Variants in STK32B observed in about 807,000 individuals in gnomAD.
STK32B encodes serine/threonine kinase 32B.
STK32B carries 43 observed loss-of-function variants against 52.6 expected under a neutral mutation model. That is an observed-to-expected ratio of 0.82 (90% CI 0.64 to 1.05). STK32B has a LOEUF of 1.05. Among genes scored for constraint, STK32B ranks in the 50% least tolerant of loss-of-function variants. STK32B has a pLI of 0.00. For missense variants in STK32B, 621 were observed against 534.6 expected (o/e 1.16, Z -1.59); for synonymous variants, 238 against 204.3 (o/e 1.17, Z -1.41).
chr4:5,456,834 C>A lies in STK32B; in HGVS notation c.694C>A (p.Pro232Thr). Residue 232 changes from proline (P) to threonine (T), a missense_variant, in exon 8 of 12, where the codon CCC (proline) becomes ACC (threonine). Transcript: ENST00000282908. Reference protein sequence around the residue: ...WRPYEIHSVTPIDEILNMFKV... With the variant: ...WRPYEIHSVTTIDEILNMFKV... Reference sequence around the variant, plus strand: ...GCCGTACGAAATCCACTCGGTCACGCCCATCGATGAAATCCTCAACATGTT... The same window carrying A: ...GCCGTACGAAATCCACTCGGTCACGACCATCGATGAAATCCTCAACATGTT... 1 of 1,596,138 alleles carries A rather than the reference C, an allele frequency of 6.3e-7. No homozygotes were observed. The highest frequency in any genetic ancestry group is 1.1e-5 in the South Asian group (1 of 87,408).
chr4:5,401,798 C>T (rs910104240), intron 5 of STK32B, among the ~76,000 whole-genome samples: 1 of 152,172 alleles, frequency 6.6e-6, no homozygotes, highest in Non-Finnish European at 1.5e-5. Flanking sequence ...GGTAATGAAC[C>T]ACATAACTTA....
chr4:5,174,638 C>T (rs1719678608), intron 3 of STK32B, among the ~76,000 whole-genome samples: 1 of 152,198 alleles, frequency 6.6e-6, no homozygotes, highest in African/African-American at 2.4e-5. Flanking sequence ...CCTCCACTCT[C>T]TTCTGGCTTG....
chr4:5,331,748 ACT>A (rs1732264979), intron 4 of STK32B, among the ~76,000 whole-genome samples: 1 of 151,626 alleles, frequency 6.6e-6, no homozygotes, highest in Non-Finnish European at 1.5e-5. Flanking sequence ...GAGGGATTCT[ACT>A]CTCTTTTTTT....
intron 1 of STK32B, among the ~76,000 whole-genome samples, chr4:5,085,564 A>G (rs1712688948): frequency 6.6e-6 from 1 of 152,238 alleles, no homozygotes; most frequent in African/African-American, 2.4e-5. Context: ...ATGCAGGTGC[A>G]TTCTCTACTA....
intron 11 of STK32B, among the ~76,000 whole-genome samples, chr4:5,475,446 G>A (rs530735597): frequency 2.4e-5 from 3 of 122,970 alleles, no homozygotes; most frequent in South Asian, 5.2e-4. Context: ...AAAAAAAAGC[G>A]TGACTGGCTT....
chr4:5,192,679 C>G lies in STK32B; in HGVS notation c.260+24229C>G, dbSNP rs893527119. On this transcript the variant is annotated intron_variant, in intron 3 of 11. Transcript: ENST00000282908. Reference sequence around the variant, plus strand: ...CACACTATGAAATGATTACCACACTCAAGCTGATTAACCCATCCACCACCT... The same window carrying G: ...CACACTATGAAATGATTACCACACTGAAGCTGATTAACCCATCCACCACCT... Among the ~76,000 whole-genome samples the G allele has an allele frequency of 3.9e-5, 6 of 152,190 alleles. No individual in the cohort carries two copies. The East Asian group carries it at 9.6e-4, about 24-fold the overall frequency.
intron 7 of STK32B, among the ~76,000 whole-genome samples, chr4:5,456,318 C>T (rs1011437097): frequency 6.6e-6 from 1 of 152,254 alleles, no homozygotes; most frequent in East Asian, 1.9e-4. Context: ...GTCCTCCCAT[C>T]CCTCAGCCCA....
At chr4:5,333,181 T>G (rs575272064) in intron 4 of STK32B, among the ~76,000 whole-genome samples, 1 of 152,072 alleles carries the variant, frequency 6.6e-6, no homozygotes, top group African/African-American at 2.4e-5. Flanking sequence ...TTTTAATGAT[T>G]GCCATTCTAA....
chr4:5,049,033 A>G (rs1392841703), upstream of STK32B, among the ~76,000 whole-genome samples: 1 of 152,180 alleles, frequency 6.6e-6, no homozygotes, highest in Non-Finnish European at 1.5e-5. Context: ...GCACTGCAAG[A>G]CTAATTCCAG....
intron 3 of STK32B, among the ~76,000 whole-genome samples, chr4:5,239,585 G>A (rs908465942): frequency 2.0e-5 from 3 of 152,040 alleles, no homozygotes; most frequent in African/African-American, 7.2e-5. Context: ...CCCAGATACT[G>A]GCACTGAGTG....
intron 3 of STK32B, among the ~76,000 whole-genome samples, chr4:5,201,680 T>C (rs1306571456): frequency 1.3e-5 from 2 of 152,164 alleles, no homozygotes; most frequent in African/African-American, 4.8e-5. Flanking sequence ...ATCAGGAAAC[T>C]TACAATCGTG....
chr4:5,165,654 G>T (rs1202825223), intron 2 of STK32B, among the ~76,000 whole-genome samples: 1 of 152,158 alleles, frequency 6.6e-6, no homozygotes, highest in African/African-American at 2.4e-5. Context: ...TCTGGCTTCA[G>T]ACATGGGTCT....
intron 3 of STK32B, among the ~76,000 whole-genome samples, chr4:5,282,956 A>C (rs1316129647): frequency 5.9e-5 from 9 of 152,154 alleles, no homozygotes; most frequent in Admixed American, 2.6e-4. Context: ...ATAAGAGGGA[A>C]ACTACAGTAT....
intron 3 of STK32B, among the ~76,000 whole-genome samples, chr4:5,176,159 A>G (rs897793293): frequency 2.6e-5 from 4 of 152,172 alleles, no homozygotes; most frequent in African/African-American, 9.7e-5. Context: ...AAAGCGTAGT[A>G]TTAGGGTGGG....
At chr4:5,223,950 T>C (rs1723701886) in intron 3 of STK32B, among the ~76,000 whole-genome samples, 1 of 152,214 alleles carries the variant, frequency 6.6e-6, no homozygotes, top group Non-Finnish European at 1.5e-5. Context: ...AATGGGAATG[T>C]CTAGCCTATA....
chr4:5,425,591 T>G (rs892696625), intron 6 of STK32B, among the ~76,000 whole-genome samples: 6 of 146,846 alleles, frequency 4.1e-5, no homozygotes, highest in African/African-American at 1.3e-4. Flanking sequence ...TGGCTGTTTG[T>G]GAGGGAGACA....
chr4:5,466,585 C>T, intron 9 of STK32B, 118 bp from the exon 10 acceptor site: 1 of 1,334,898 alleles, frequency 7.5e-7, no homozygotes, highest in Non-Finnish European at 1.0e-6. Context: ...CCCGTGTATC[C>T]AACAAGAGTA....
intron 1 of STK32B, among the ~76,000 whole-genome samples, chr4:5,108,375 A>T (rs1228569160): frequency 6.6e-6 from 1 of 151,964 alleles, no homozygotes; most frequent in African/African-American, 2.4e-5. Flanking sequence ...TTCATTTTGG[A>T]GGGGAATTGC....
chr4:5,185,334 T>A (rs1473407495), intron 3 of STK32B, among the ~76,000 whole-genome samples: 24 of 152,152 alleles, frequency 1.6e-4, no homozygotes, highest in Admixed American at 1.6e-3. Flanking sequence ...TTTAAATGGC[T>A]CTCAGGGCAA....
Sources: allele counts gnomAD v4.1 joint callset (sites outside exome capture counted in the v4.1 genomes callset), GRCh38; gene constraint gnomAD v4.1.1; transcripts MANE v1.5; gene names NCBI Gene and HGNC (gene_info 2026-07-23, HGNC 2026-07-21).